The following TDP1 variants were observed in gnomAD, a reference collection of about 807,000 sequenced individuals.
TDP1 encodes the protein tyr-DNA phosphodiesterase 1.
In TDP1, 64 loss-of-function variants were observed where a neutral mutation model predicts 81.5. The observed-to-expected ratio is 0.79, with a 90% CI of 0.64 to 0.97. TDP1 has a LOEUF of 0.97. Ranked by LOEUF, TDP1 falls within the 50% of genes least tolerant of loss-of-function variation. The probability of loss-of-function intolerance (pLI) is 0.00; values close to 1 mark genes in which losing one functional copy is unlikely to be tolerated. For synonymous variants in TDP1, 256 were observed against 264.3 expected (o/e 0.97, Z 0.30); for missense variants, 723 against 743.8 (o/e 0.97, Z 0.33).
rs35439694 is a variant in TDP1 at position 89,956,584 on chromosome 14, A to G, written c.-224A>G. 7,972 of 152,312 alleles carry G rather than the reference A, an allele frequency of 0.052. 343 individuals carry two copies. Among genetic ancestry groups the G allele is most frequent in the African/African-American group, 0.11 (4,670 of 41,504 alleles). 9.4% of individuals were successfully genotyped at this position (152,312 alleles called of 1,614,324 possible). A position where few individuals can be genotyped will look rare whatever the true frequency, so the allele number is the denominator to read the frequency against. ...TTCAACCCATTCTCCGCAGAGTTGG[A>G]GCACACAGCTGTATTAAAAAGGCAA... On this transcript the variant is annotated 5_prime_UTR_variant, in exon 2 of 17. Coordinates refer to ENST00000335725, the MANE Select transcript of TDP1 (RefSeq NM_018319.4).
At chr14:89,998,420 A>ATATATATATATATGTATGTATG (rs1566891293) in intron 14 of TDP1, among the ~76,000 whole-genome samples, 3 of 79,290 alleles carry the variant, frequency 3.8e-5, no homozygotes, top group African/African-American at 1.9e-4. Flanking sequence ...ATATATATAT[A>ATATATATATATATGTATGTATG]TATGTATGTA....
Position 90,043,226 on chromosome 14 carries a change from C to T in TDP1, c.*83C>T. On this transcript the variant is annotated 3_prime_UTR_variant, in exon 17 of 17. Coordinates refer to ENST00000335725, the MANE Select transcript of TDP1 (RefSeq NM_018319.4). ...TCTTCTTTGTACTGGATGTCCACTT[C>T]CCTTAAAGTCTTATTTGCACCCTTA... 6.4e-7 allele frequency: 1 copy of T among 1,551,578 alleles called. No individual in the cohort carries two copies.
intron 16 of TDP1, among the ~76,000 whole-genome samples, chr14:90,033,929 T>TG (rs1312008344): frequency 6.6e-6 from 1 of 152,212 alleles, no homozygotes; most frequent in African/African-American, 2.4e-5. Flanking sequence ...TAGCCGGGTG[T>TG]GGTGGATCAT....
In TDP1 at chr14:90,019,316, C is replaced by T. The variant is rs773576388; in HGVS notation, c.1542C>T (p.Ser514=). The change falls in exon 15 of 17, where the codon AGC becomes AGT. Residue 514 remains serine, a splice_region_variant and synonymous_variant. Coordinates refer to ENST00000335725, the MANE Select transcript of TDP1 (RefSeq NM_018319.4). ...CCTATCTGTGTCCTTGTCTCTGCAG[C>T]GCAAATCTGTCCAAGGCTGCCTGGG... ...FSKIAWFLVT[S]ANLSKAAWGA... is the part of the protein sequence containing the mutation. 17 of 1,599,212 alleles carry T rather than the reference C, an allele frequency of 1.1e-5. No homozygotes were observed. The highest frequency in any genetic ancestry group is 2.2e-5 in the East Asian group (1 of 44,816).
At chr14:89,994,984 C>T (rs980303309) in intron 14 of TDP1, among the ~76,000 whole-genome samples, 1 of 152,194 alleles carries the variant, frequency 6.6e-6, no homozygotes, top group Admixed American at 6.5e-5. Context: ...AAAAAACATC[C>T]ACTGTCAGTT....
At chr14:89,967,196 A>G (rs1893040967) in intron 4 of TDP1, 171 bp from the exon 5 acceptor site, 1 of 876,338 alleles carries the variant, frequency 1.1e-6, no homozygotes, top group African/African-American at 1.8e-5. Flanking sequence ...TGCATTTAAG[A>G]TAAATTATAG....
intron 14 of TDP1, among the ~76,000 whole-genome samples, chr14:90,018,245 G>A (rs549554817): frequency 6.6e-6 from 1 of 152,252 alleles, no homozygotes; most frequent in South Asian, 2.1e-4. Context: ...CTGAATAGCT[G>A]AGGTTTATAT....
chr14:89,991,884 A>T (rs1896221322), intron 12 of TDP1, 33 bp from the exon 13 acceptor site: 2 of 1,584,336 alleles, frequency 1.3e-6, no homozygotes, highest in East Asian at 4.5e-5. Context: ...ATTATATTTC[A>T]TAATTTTTAT....
rs1407351857 is a variant in TDP1, at chr14:89,968,191, A to C, written c.659+769A>C. On this transcript the variant is annotated intron_variant, in intron 5 of 16. Transcript: ENST00000335725. Reference sequence around the variant, plus strand: ...TTTTTTTTTTTGACCTGTAACACACAGAATTAGTTTTAGCTGCATGTAAAA... The same window carrying C: ...TTTTTTTTTTTGACCTGTAACACACCGAATTAGTTTTAGCTGCATGTAAAA... Among the ~76,000 whole-genome samples, 3 of 150,784 alleles carry C rather than the reference A, an allele frequency of 2.0e-5. No homozygotes were observed. The East Asian group carries it at 5.8e-4, about 29-fold the overall frequency.
intron 9 of TDP1, 187 bp from the exon 10 acceptor site, chr14:89,984,945 T>C (rs1006559298): frequency 2.0e-6 from 2 of 978,426 alleles, no homozygotes; most frequent in Non-Finnish European, 2.4e-6. Flanking sequence ...TCTGGTACTT[T>C]ACATCTTGTA....
rs558653610 is a variant in TDP1 at position 89,986,331 on chromosome 14, C to T, written c.1131+1121C>T. On this transcript the variant is annotated intron_variant, in intron 10 of 16. Coordinates refer to ENST00000335725, the MANE Select transcript of TDP1 (RefSeq NM_018319.4). ...CCTCGACTTGTTCCTTAACATACAT[C>T]GGTTGTCATCTATAAAGTGGACATA... Among the ~76,000 whole-genome samples the T allele has an allele frequency of 1.7e-4, 26 of 152,296 alleles. No homozygotes were observed. The East Asian group carries it at 3.1e-3, about 18-fold the overall frequency.
intron 5 of TDP1, among the ~76,000 whole-genome samples, chr14:89,969,916 G>A (rs1246424115): frequency 7.1e-5 from 9 of 126,570 alleles, no homozygotes; most frequent in Admixed American, 1.0e-4. Flanking sequence ...TCGCTCTGTC[G>A]CCCAGGCTGG....
chr14:90,006,834 C>T (rs1884087635), intron 14 of TDP1, among the ~76,000 whole-genome samples: 1 of 152,142 alleles, frequency 6.6e-6, no homozygotes, highest in Non-Finnish European at 1.5e-5. Context: ...GCACCATGCC[C>T]AGCCCATGCC....
chr14:89,992,432 G>A (rs998976808), intron 13 of TDP1, among the ~76,000 whole-genome samples: 1 of 152,168 alleles, frequency 6.6e-6, no homozygotes, highest in African/African-American at 2.4e-5. Flanking sequence ...AATGCTGAGT[G>A]GACAAGTGAA....
intron 9 of TDP1, 116 bp downstream of exon 9, chr14:89,984,799 A>G: frequency 1.3e-6 from 2 of 1,593,100 alleles, no homozygotes; most frequent in South Asian, 1.1e-5. Flanking sequence ...GCCAAGCTTC[A>G]GGATGTGATG....
chr14:90,013,258 G>A (rs1884926455), intron 14 of TDP1, among the ~76,000 whole-genome samples: 1 of 152,182 alleles, frequency 6.6e-6, no homozygotes, highest in South Asian at 2.1e-4. Flanking sequence ...TTTGGGAGGG[G>A]TAAGGGGTAG....
At chr14:90,037,521 A>C (rs1470982352) in intron 16 of TDP1, among the ~76,000 whole-genome samples, 1 of 152,148 alleles carries the variant, frequency 6.6e-6, no homozygotes, top group South Asian at 2.1e-4. Context: ...TTTCCTTTCA[A>C]AGTTTTGGCA....
At chr14:90,017,420 A>G (rs547008864) in intron 14 of TDP1, among the ~76,000 whole-genome samples, 11 of 152,346 alleles carry the variant, frequency 7.2e-5, no homozygotes, top group African/African-American at 2.6e-4. Flanking sequence ...CAGTGTTCAC[A>G]GTAGAGTTTC....
chr14:89,981,602 C>G (rs1189651557), intron 8 of TDP1: 1 of 395,540 alleles, frequency 2.5e-6, no homozygotes, highest in Non-Finnish European at 5.0e-6. Context: ...TCACCCTGCC[C>G]CATATCATTG....
Sources: gnomAD v4.1 joint callset for allele counts (sites outside exome capture counted in the v4.1 genomes callset) on GRCh38, gnomAD v4.1.1 for gene constraint, MANE v1.5 for transcripts, NCBI Gene and HGNC (gene_info 2026-07-23, HGNC 2026-07-21) for gene names.